AIG1: variants seen among roughly 807,000 people sequenced by gnomAD.
The protein encoded by AIG1 is androgen-induced gene 1 protein.
Under a neutral mutation model 31.4 loss-of-function variants are expected in AIG1, and 23 were observed. The ratio of observed to expected loss-of-function variants is 0.73; its 90% CI spans 0.53 to 1.04. The LOEUF is 1.04. Ranked by LOEUF, AIG1 falls within the 50% of genes least tolerant of loss-of-function variation. AIG1 has a pLI of 0.00. For missense variants in AIG1, 274 were observed against 295.0 expected, an observed-to-expected ratio of 0.93 and a Z score of 0.52; for synonymous variants, 100 against 110.5, an observed-to-expected ratio of 0.90 and a Z score of 0.60.
chr6:143,342,136 C>T, downstream of AIG1: 1 of 505,334 alleles, frequency 2.0e-6, no homozygotes, highest in Non-Finnish European at 3.6e-6. Context: ...GTTGGTCAGG[C>T]TGGTCTCAAA....
intron 1 of AIG1, among the ~76,000 whole-genome samples, chr6:143,090,694 T>C (rs958081386): frequency 2.6e-5 from 4 of 152,236 alleles, no homozygotes; most frequent in East Asian, 1.9e-4. Context: ...TGCTAAAATA[T>C]CTTAATGATC....
intron 2 of AIG1, among the ~76,000 whole-genome samples, chr6:143,163,208 C>T (rs1328393324): frequency 6.6e-6 from 1 of 152,126 alleles, no homozygotes; most frequent in Non-Finnish European, 1.5e-5. Context: ...CATGATCAGC[C>T]CTAATTGGTT....
intron 3 of AIG1, among the ~76,000 whole-genome samples, chr6:143,237,874 G>T (rs1270210990): frequency 1.6e-4 from 25 of 152,220 alleles, no homozygotes; most frequent in Admixed American, 1.6e-3. Flanking sequence ...AGAAGTCAAA[G>T]GGTAAGTGTT....
chr6:143,097,439 A>G (rs965406295), intron 1 of AIG1, among the ~76,000 whole-genome samples: 9 of 152,168 alleles, frequency 5.9e-5, no homozygotes, highest in African/African-American at 2.2e-4. Context: ...AAAATCTATA[A>G]TCCGGATTAA....
rs1797175895 is a variant in AIG1 at position 143,279,299 on chromosome 6, A to C, written c.400-4811A>C. On this transcript the variant is annotated intron_variant, in intron 3 of 5. Coordinates refer to ENST00000357847, the MANE Select transcript of AIG1 (RefSeq NM_016108.4). This position sits in a 1 kb window ranked among gnomAD's most constrained non-coding sequence, Gnocchi z 5.4. ...GCAAAACTCATTAGCTCTTCAGGAG[A>C]AGCACTAATTTAATCCAACTGCCTC... 6.6e-6 allele frequency among the ~76,000 whole-genome samples: 1 copy of C among 152,128 alleles called. No individual in the cohort carries two copies. Among genetic ancestry groups the C allele is most frequent in the Non-Finnish European group, 1.5e-5 (1 of 68,010 alleles).
chr6:143,205,260 C>A (rs1343723381), intron 3 of AIG1, among the ~76,000 whole-genome samples: 1 of 152,194 alleles, frequency 6.6e-6, no homozygotes, highest in African/African-American at 2.4e-5. Context: ...AATCTGCTTT[C>A]TACAAATTAT....
intron 1 of AIG1, among the ~76,000 whole-genome samples, chr6:143,104,975 A>G (rs913848914): frequency 6.6e-6 from 1 of 152,194 alleles, no homozygotes; most frequent in African/African-American, 2.4e-5. Context: ...TTGAACTCCA[A>G]AGGTGAGGCT....
intron 1 of AIG1, among the ~76,000 whole-genome samples, chr6:143,077,281 T>A (rs968400305): frequency 6.6e-6 from 1 of 152,238 alleles, no homozygotes; most frequent in Non-Finnish European, 1.5e-5. Context: ...TACCCAGATA[T>A]TTACCATTTC....
chr6:143,134,581 A>G lies in AIG1; in HGVS notation c.142-2254A>G, dbSNP rs79560153. Among the ~76,000 whole-genome samples the G allele has an allele frequency of 3.0e-4, 46 of 152,118 alleles. No individual in the cohort carries two copies. In the East Asian group the frequency reaches 5.8e-3, roughly 19 times the overall value. On this transcript the variant is annotated intron_variant, in intron 1 of 5. Coordinates refer to ENST00000357847, the MANE Select transcript of AIG1 (RefSeq NM_016108.4). ...CCTTTGGTAGATATGACTAGTACAC[A>G]TATATGAGAGTTTCTGCAGGAAATG...
At chr6:143,067,633 T>C (rs1776835969) in intron 1 of AIG1, among the ~76,000 whole-genome samples, 1 of 152,210 alleles carries the variant, frequency 6.6e-6, no homozygotes. Flanking sequence ...TAAAACATAT[T>C]CTTGTCTCTA....
intron 3 of AIG1, among the ~76,000 whole-genome samples, chr6:143,224,239 A>C (rs1190047618): frequency 6.6e-6 from 1 of 152,152 alleles, no homozygotes; most frequent in African/African-American, 2.4e-5. Context: ...AAGACCACAC[A>C]TCCAAACCGG....
At chr6:143,229,275 A>G (rs1793250489) in intron 3 of AIG1, among the ~76,000 whole-genome samples, 1 of 152,240 alleles carries the variant, frequency 6.6e-6, no homozygotes, top group South Asian at 2.1e-4. Flanking sequence ...TGGCTTTGAC[A>G]CTACCTTAGT....
intron 3 of AIG1, among the ~76,000 whole-genome samples, chr6:143,265,801 A>G (rs918161619): frequency 2.6e-5 from 4 of 152,186 alleles, no homozygotes; most frequent in Admixed American, 6.5e-5. Flanking sequence ...TTCGGTATTC[A>G]CAGTGTTTCT....
intron 1 of AIG1, among the ~76,000 whole-genome samples, chr6:143,079,714 C>T (rs1162493633): frequency 6.8e-6 from 1 of 146,534 alleles, no homozygotes; most frequent in Non-Finnish European, 1.5e-5. Context: ...TATTGATTGT[C>T]TTAGTGAATA....
At chr6:143,261,694 C>T (rs1362680328) in intron 3 of AIG1, among the ~76,000 whole-genome samples, 2 of 152,036 alleles carry the variant, frequency 1.3e-5, no homozygotes, top group African/African-American at 4.8e-5. Flanking sequence ...GAATCAACAC[C>T]AGCCTATCCT....
intron 1 of AIG1, among the ~76,000 whole-genome samples, chr6:143,072,371 T>C (rs1777370960): frequency 6.6e-6 from 1 of 152,158 alleles, no homozygotes; most frequent in Admixed American, 6.5e-5. Context: ...TGTCACCTGT[T>C]AATAGAGACA....
chr6:143,208,971 A>C (rs1454575843), intron 3 of AIG1, among the ~76,000 whole-genome samples: 1 of 152,026 alleles, frequency 6.6e-6, no homozygotes, highest in Non-Finnish European at 1.5e-5. Flanking sequence ...GCCAAATGGC[A>C]GCATCTAGAC....
intron 2 of AIG1, among the ~76,000 whole-genome samples, chr6:143,164,742 C>T (rs2128563647): frequency 6.6e-6 from 1 of 152,258 alleles, no homozygotes; most frequent in East Asian, 1.9e-4. Flanking sequence ...CCGAAAAAAC[C>T]ACCAGTGAAC....
intron 3 of AIG1, among the ~76,000 whole-genome samples, chr6:143,174,032 G>A (rs1231734809): frequency 6.6e-6 from 1 of 152,112 alleles, no homozygotes; most frequent in Non-Finnish European, 1.5e-5. Flanking sequence ...TCACTTCTTA[G>A]GTCTAGTAGT....
Sources: allele counts gnomAD v4.1 joint callset (sites outside exome capture counted in the v4.1 genomes callset), GRCh38; gene constraint gnomAD v4.1.1; non-coding constraint Gnocchi (gnomAD v3.1); transcripts MANE v1.5; gene names NCBI Gene and HGNC (gene_info 2026-07-23, HGNC 2026-07-21).